The following AUTS2 variants were observed in gnomAD, a reference collection of about 807,000 sequenced individuals.
AUTS2 encodes autism susceptibility gene 2 protein.
In AUTS2, 17 loss-of-function variants were observed where a neutral mutation model predicts 112.4. The ratio of observed to expected loss-of-function variants is 0.15; its 90% CI spans 0.10 to 0.23. The LOEUF is 0.23. Ranked by LOEUF, AUTS2 falls within the 10% of genes least tolerant of loss-of-function variation. The probability of loss-of-function intolerance (pLI) is 1.00; values close to 1 mark genes in which losing one functional copy is unlikely to be tolerated. For synonymous variants in AUTS2, 751 were observed against 702.7 expected (o/e 1.07, Z -1.09); for missense variants, 1,510 against 1,701.6 (o/e 0.89, Z 1.98).
At chr7:69,911,022 C>T (rs188730117) in intron 2 of AUTS2, among the ~76,000 whole-genome samples, 26 of 152,368 alleles carry the variant, frequency 1.7e-4, no homozygotes, top group Admixed American at 7.2e-4. Flanking sequence ...TTGCCTCCCA[C>T]TGGGTTCTTC....
intron 4 of AUTS2, among the ~76,000 whole-genome samples, chr7:70,170,570 A>G (rs984313066): frequency 3.3e-5 from 5 of 150,050 alleles, no homozygotes; most frequent in Admixed American, 3.3e-4. Flanking sequence ...GCTCTTTGAG[A>G]TGGGATATAC....
At chr7:70,105,153 T>C (rs1431194053) in intron 2 of AUTS2, among the ~76,000 whole-genome samples, 1 of 152,238 alleles carries the variant, frequency 6.6e-6, no homozygotes, top group African/African-American at 2.4e-5. Context: ...TGGCACAGAT[T>C]AGTCTTTCTC....
chr7:70,765,079 G>T, intron 8 of AUTS2, 74 bp downstream of exon 8: 1 of 1,556,534 alleles, frequency 6.4e-7, no homozygotes, highest in Non-Finnish European at 8.7e-7. Context: ...TACCTATGTT[G>T]TCCCGATTGC....
intron 2 of AUTS2, among the ~76,000 whole-genome samples, chr7:69,916,185 C>A (rs368964603): frequency 1.3e-5 from 2 of 152,102 alleles, no homozygotes; most frequent in East Asian, 3.9e-4. Context: ...TGTGGAAATC[C>A]TGTTTGTTAG....
In AUTS2 at chr7:70,776,998, GA is replaced by G. The variant is rs1215983086; in HGVS notation, c.1933-99del. 9 of 1,087,566 alleles carry G rather than the reference GA, an allele frequency of 8.3e-6. No homozygotes were observed. In the East Asian group the frequency reaches 1.9e-4, roughly 23 times the overall value. The allele number at this position is 1,087,566 out of a possible 1,614,324, so 67.4% of individuals were successfully genotyped here. ...AGAGTACAAAGCACTCTTGTTTCACGAAAAAAGCCTCTGCAGCCAAAATCTG... is the reference window on the plus strand; with the variant it reads ...AGAGTACAAAGCACTCTTGTTTCACGAAAAAGCCTCTGCAGCCAAAATCTG... On this transcript the variant is annotated intron_variant, in intron 13 of 18. Coordinates refer to ENST00000342771, the MANE Select transcript of AUTS2 (RefSeq NM_015570.4).
chr7:70,606,313 T>G (rs961730800), intron 5 of AUTS2, among the ~76,000 whole-genome samples: 2 of 151,358 alleles, frequency 1.3e-5, no homozygotes, highest in Non-Finnish European at 2.9e-5. Context: ...CCTAACACTC[T>G]AGTAATCTAT....
chr7:69,912,519 T>C (rs928080350), intron 2 of AUTS2, among the ~76,000 whole-genome samples: 2 of 152,004 alleles, frequency 1.3e-5, no homozygotes, highest in Non-Finnish European at 2.9e-5. Flanking sequence ...ATGTAGGGAG[T>C]ATATTAGGGC....
chr7:69,671,934 C>T (rs758174188), intron 1 of AUTS2, among the ~76,000 whole-genome samples: 1 of 151,888 alleles, frequency 6.6e-6, no homozygotes, highest in South Asian at 2.1e-4. Flanking sequence ...AGGGAAAATA[C>T]AATAAAGCCA....
At chr7:70,017,272 C>T (rs1339290606) in intron 2 of AUTS2, among the ~76,000 whole-genome samples, 3 of 152,130 alleles carry the variant, frequency 2.0e-5, no homozygotes, top group Non-Finnish European at 2.9e-5. Flanking sequence ...CTTTCTTTTT[C>T]GGGGAAGACA....
intron 18 of AUTS2, 107 bp downstream of exon 18, chr7:70,787,538 G>A (rs1405599165): frequency 1.9e-5 from 14 of 751,802 alleles, no homozygotes; most frequent in South Asian, 3.7e-5. Context: ...TGCTTTAGCC[G>A]CCCCGGTAGC....
intron 4 of AUTS2, among the ~76,000 whole-genome samples, chr7:70,418,223 C>CCA (rs1347109590): frequency 6.6e-6 from 1 of 152,096 alleles, no homozygotes; most frequent in Admixed American, 6.5e-5. Flanking sequence ...CAGGCATGAG[C>CCA]CACTATGCAT....
At position 70,523,446 on chromosome 7, in the gene AUTS2, T is replaced by C. The variant is rs554350487; in HGVS notation, c.690+87665T>C. 4.6e-5 allele frequency among the ~76,000 whole-genome samples: 7 copies of C among 152,350 alleles called. No homozygotes were observed. In the South Asian group the frequency reaches 1.5e-3, roughly 32 times the overall value. ...CTGTTCCTGGTCCAGGGCAGAGCCT[T>C]ATGCCTTAGAAATCAGAAGTGCAAG... On this transcript the variant is annotated intron_variant, in intron 5 of 18. Coordinates refer to ENST00000342771, the MANE Select transcript of AUTS2 (RefSeq NM_015570.4).
chr7:70,701,221 G>T (rs1809438574), intron 6 of AUTS2, among the ~76,000 whole-genome samples: 1 of 152,224 alleles, frequency 6.6e-6, no homozygotes, highest in African/African-American at 2.4e-5. Flanking sequence ...GGAGGGCAGT[G>T]CTAATCTCAC....
intron 4 of AUTS2, among the ~76,000 whole-genome samples, chr7:70,186,456 A>G (rs912319015): frequency 5.9e-5 from 9 of 152,030 alleles, no homozygotes; most frequent in Non-Finnish European, 1.2e-4. Flanking sequence ...GCTTTTTTTA[A>G]TGTTTGTTGC....
At chr7:70,677,974 T>C (rs192547846) in intron 5 of AUTS2, among the ~76,000 whole-genome samples, 29 of 152,020 alleles carry the variant, frequency 1.9e-4, no homozygotes, top group African/African-American at 6.0e-4. Flanking sequence ...CCCAGCTACT[T>C]GGGAGGCTGA....
intron 2 of AUTS2, among the ~76,000 whole-genome samples, chr7:69,949,996 A>G (rs150700288): frequency 6.6e-6 from 1 of 152,304 alleles, no homozygotes; most frequent in African/African-American, 2.4e-5. Context: ...GCAGCATTAG[A>G]TGACTATGGA....
At chr7:70,136,935 A>T (rs866876704) in intron 4 of AUTS2, among the ~76,000 whole-genome samples, 54 of 152,288 alleles carry the variant, frequency 3.5e-4, no homozygotes, top group African/African-American at 1.3e-3. Context: ...TAAAATAGAC[A>T]CCTGAGTATA....
intron 6 of AUTS2, among the ~76,000 whole-genome samples, chr7:70,707,461 G>A (rs1390249559): frequency 6.6e-6 from 1 of 152,160 alleles, no homozygotes. Context: ...TGGGGATATG[G>A]CAGAGAATAG....
chr7:70,115,833 A>T (rs1031800481), intron 2 of AUTS2, among the ~76,000 whole-genome samples: 2 of 151,850 alleles, frequency 1.3e-5, no homozygotes, highest in African/African-American at 2.4e-5. Context: ...AATAAATAAT[A>T]GAAAGAAAGA....
Sources: gnomAD v4.1 joint callset for allele counts (sites outside exome capture counted in the v4.1 genomes callset) on GRCh38, gnomAD v4.1.1 for gene constraint, MANE v1.5 for transcripts, NCBI Gene and HGNC (gene_info 2026-07-23, HGNC 2026-07-21) for gene names.